DENND4C: variants seen among roughly 807,000 people sequenced by gnomAD.
DENND4C encodes DENN domain-containing protein 4C.
Under a neutral mutation model 203.0 loss-of-function variants are expected in DENND4C, and 108 were observed. That is an observed-to-expected ratio of 0.53 (90% CI 0.46 to 0.62). The LOEUF (loss-of-function observed/expected upper bound fraction) is 0.62. DENND4C is among the 20% of genes least tolerant of loss of function. DENND4C has a pLI of 0.00. For missense variants in DENND4C, 2,481 were observed against 2,301.2 expected (o/e 1.08, Z -1.60); for synonymous variants, 871 against 792.4 (o/e 1.10, Z -1.67).
At chr9:19,249,780 C>G (rs887959817) in intron 1 of DENND4C, among the ~76,000 whole-genome samples, 9 of 152,244 alleles carry the variant, frequency 5.9e-5, no homozygotes, top group African/African-American at 1.9e-4. Context: ...GCCTCAGCCT[C>G]CTGTGTAGCT....
At chr9:19,356,190 T>C (rs1825362099) in intron 26 of DENND4C, among the ~76,000 whole-genome samples, 1 of 152,158 alleles carries the variant, frequency 6.6e-6, no homozygotes, top group South Asian at 2.1e-4. Context: ...CAATCTATCT[T>C]AAATTTTTAT....
rs1829289045 is a variant in DENND4C, at chr9:19,374,124, T to TTAAGCC, written c.*1952_*1953insAAGCCT. 1.3e-5 allele frequency among the ~76,000 whole-genome samples: 2 copies of TTAAGCC among 151,956 alleles called. No homozygotes were observed. The highest frequency in any genetic ancestry group is 2.9e-5 in the Non-Finnish European group (2 of 67,988). On this transcript the variant is annotated 3_prime_UTR_variant, in exon 33 of 33. Coordinates refer to ENST00000434457, the MANE Select transcript of DENND4C (RefSeq NM_001330640.2). ...AATTGAGGTTGAATAAAATGAAAAA[T>TTAAGCC]TGTTGTTTTCTGTTACATTAAGCCT...
chr9:19,301,834 G>A (rs1354599830), intron 9 of DENND4C, among the ~76,000 whole-genome samples: 1 of 152,176 alleles, frequency 6.6e-6, no homozygotes, highest in Non-Finnish European at 1.5e-5. Flanking sequence ...CTACTCGGGA[G>A]GCTGAGGCAG....
In DENND4C at chr9:19,370,044, AAT is replaced by A. The variant is rs760526497; in HGVS notation, c.5675+60_5675+61del. ...CTCAGTCATTTCATGTTTTTAAAAAAATATCTTACTTTTAAAAATATCTCTAG... is the reference window on the plus strand; with the variant it reads ...CTCAGTCATTTCATGTTTTTAAAAAAATCTTACTTTTAAAAATATCTCTAG... On this transcript the variant is annotated intron_variant, in intron 31 of 32. Transcript: ENST00000434457. The A allele has an allele frequency of 1.0e-5, 16 of 1,583,950 alleles. No individual in the cohort carries two copies. In the Admixed American group the frequency reaches 1.5e-4, roughly 15 times the overall value.
chr9:19,367,382 T>C lies in DENND4C; in HGVS notation c.5525-2455T>C, dbSNP rs987494721. 2.6e-5 allele frequency among the ~76,000 whole-genome samples: 4 copies of C among 152,208 alleles called. No homozygotes were observed. The East Asian group carries it at 7.7e-4, about 29-fold the overall frequency. On this transcript the variant is annotated intron_variant, in intron 30 of 32. Transcript: ENST00000434457. ...TGATGTCCACATGAAAACTTGCACA[T>C]GAATGTTCATAATAGCATTTGCATA... is the stretch of plus-strand genomic sequence containing the variant.
chr9:19,371,348 T>C (rs1317503223), intron 31 of DENND4C: 3 of 159,148 alleles, frequency 1.9e-5, no homozygotes, highest in African/African-American at 7.2e-5. Context: ...GAAATTAATC[T>C]GTTACTTTGT....
intron 2 of DENND4C, chr9:19,276,705 A>C: frequency 9.0e-6 from 3 of 332,056 alleles, no homozygotes; most frequent in Non-Finnish European, 1.6e-5. Context: ...TTTGCTTTCA[A>C]AAGAATATTG....
At chr9:19,304,142 TTC>T (rs1839173970) in intron 9 of DENND4C, among the ~76,000 whole-genome samples, 2 of 151,716 alleles carry the variant, frequency 1.3e-5, no homozygotes. Flanking sequence ...TTTCTCTTTT[TTC>T]TTTTTCTGTC....
At chr9:19,342,885 A>T in intron 22 of DENND4C, 106 bp downstream of exon 22, 1 of 939,742 alleles carries the variant, frequency 1.1e-6, no homozygotes, top group South Asian at 3.5e-5. Flanking sequence ...TGAACATGCT[A>T]AAGAGCCAGA....
At chr9:19,335,210 T>C in intron 18 of DENND4C, 105 bp downstream of exon 18, 2 of 653,630 alleles carry the variant, frequency 3.1e-6, no homozygotes, top group Non-Finnish European at 4.3e-6. Flanking sequence ...TTTTGGGATA[T>C]AATTTTTTAA....
At chr9:19,290,306 A>G (rs183892546) in intron 4 of DENND4C, among the ~76,000 whole-genome samples, 1 of 152,306 alleles carries the variant, frequency 6.6e-6, no homozygotes, top group Non-Finnish European at 1.5e-5. Context: ...CTGTTGCCTC[A>G]GCATTATTTC....
intron 16 of DENND4C, among the ~76,000 whole-genome samples, chr9:19,329,593 C>T (rs531664239): frequency 6.6e-6 from 1 of 152,268 alleles, no homozygotes; most frequent in South Asian, 2.1e-4. Context: ...CAGATGGTTA[C>T]TCTGTGTTCA....
intron 1 of DENND4C, among the ~76,000 whole-genome samples, chr9:19,267,442 C>T (rs12551960): frequency 0.074 from 11,322 of 152,122 alleles, 478 homozygotes; most frequent in Middle Eastern, 0.13. Flanking sequence ...TTTCAGTTTC[C>T]ATTTGCCTGG....
At chr9:19,239,760 A>G (rs1301292773) in intron 1 of DENND4C, among the ~76,000 whole-genome samples, 3 of 152,162 alleles carry the variant, frequency 2.0e-5, no homozygotes, top group African/African-American at 7.2e-5. Context: ...TACTGTGATT[A>G]CAGGCGTGAG....
Position 19,358,245 on chromosome 9 carries a change from T to G in DENND4C, c.5160+85T>G, listed in dbSNP as rs1037364041. The G allele has an allele frequency of 1.1e-5, 12 of 1,069,220 alleles. No homozygotes were observed. The highest frequency in any genetic ancestry group is 1.5e-5 in the Non-Finnish European group (12 of 777,654). 66.2% of individuals were successfully genotyped at this position (1,069,220 alleles called of 1,614,324 possible). On this transcript the variant is annotated intron_variant, in intron 28 of 32. Transcript: ENST00000434457. This position sits in a 1 kb window ranked among gnomAD's most constrained non-coding sequence, Gnocchi z 4.8. Reference sequence around the variant, plus strand: ...CATTATAAATTCTTCTGTAGTGGACTTATTTTAATTACATGAAAAGTGATA... The same window carrying G: ...CATTATAAATTCTTCTGTAGTGGACGTATTTTAATTACATGAAAAGTGATA...
intron 20 of DENND4C, among the ~76,000 whole-genome samples, chr9:19,340,025 G>C (rs1821265294): frequency 6.6e-6 from 1 of 152,016 alleles, no homozygotes. Flanking sequence ...TTATGTTTCT[G>C]AGCACTACCT....
chr9:19,341,315 T>C (rs928914516), intron 21 of DENND4C, among the ~76,000 whole-genome samples: 10 of 146,258 alleles, frequency 6.8e-5, no homozygotes, highest in East Asian at 3.9e-4. Flanking sequence ...TTCTTTCTTT[T>C]TTTTTTTTTT....
intron 1 of DENND4C, among the ~76,000 whole-genome samples, chr9:19,232,857 A>G (rs1466187754): frequency 6.6e-6 from 1 of 152,172 alleles, no homozygotes; most frequent in East Asian, 1.9e-4. Context: ...ATTATAAATA[A>G]TAACTCAATA....
intron 1 of DENND4C, among the ~76,000 whole-genome samples, chr9:19,257,698 G>C (rs180686523): frequency 1.7e-4 from 26 of 152,298 alleles, no homozygotes; most frequent in Admixed American, 5.2e-4. Context: ...CAGAATTAGA[G>C]AGGTGACATC....
Sources: gnomAD v4.1 joint callset for allele counts (sites outside exome capture counted in the v4.1 genomes callset) on GRCh38, gnomAD v4.1.1 for gene constraint, Gnocchi (gnomAD v3.1) non-coding constraint, MANE v1.5 for transcripts, NCBI Gene and HGNC (gene_info 2026-07-23, HGNC 2026-07-21) for gene names.